The following FSTL4 variants were observed in gnomAD, a reference collection of about 807,000 sequenced individuals.
FSTL4 encodes the protein follistatin-related protein 4.
A neutral mutation model predicts 78.2 loss-of-function variants in FSTL4; 28 were observed. The observed-to-expected ratio is 0.36, with a 90% CI of 0.27 to 0.49. The LOEUF is 0.49. FSTL4 is among the 20% of genes least tolerant of loss of function. FSTL4 has a pLI of 0.98. For synonymous variants in FSTL4, 422 were observed against 440.5 expected (o/e 0.96, Z 0.53); for missense variants, 922 against 1,084.9 (o/e 0.85, Z 2.11).
At chr5:133,279,174 G>A (rs752576906) in intron 6 of FSTL4, among the ~76,000 whole-genome samples, 28 of 152,238 alleles carry the variant, frequency 1.8e-4, no homozygotes, top group Non-Finnish European at 2.9e-4. Flanking sequence ...TCTCTAGGCC[G>A]TGGATGGTCC....
At chr5:133,458,143 A>G (rs899420383) in intron 3 of FSTL4, 7 of 152,242 alleles carry the variant, frequency 4.6e-5, no homozygotes, top group Non-Finnish European at 1.0e-4. Context: ...ATGTATTTTA[A>G]GATCAAAAGG....
chr5:133,397,817 T>A (rs920804337), intron 4 of FSTL4, among the ~76,000 whole-genome samples: 1 of 152,248 alleles, frequency 6.6e-6, no homozygotes, highest in Non-Finnish European at 1.5e-5. Context: ...AGTCACAACT[T>A]CTTCTTGTAA....
intron 4 of FSTL4, among the ~76,000 whole-genome samples, chr5:133,381,234 C>G (rs1041962646): frequency 6.6e-6 from 1 of 152,146 alleles, no homozygotes; most frequent in South Asian, 2.1e-4. Context: ...TGGAATATCT[C>G]CAAATGGGAA....
At chr5:133,737,074 T>C in the FSTL4 span, among the ~76,000 whole-genome samples, 1 of 152,282 alleles carries the variant, frequency 6.6e-6, no homozygotes, top group Non-Finnish European at 1.5e-5. Flanking sequence ...GAGTTACAAA[T>C]AATCCAATTA....
chr5:133,242,850 T>C (rs1429993531), intron 7 of FSTL4, among the ~76,000 whole-genome samples: 1 of 152,346 alleles, frequency 6.6e-6, no homozygotes, highest in East Asian at 1.9e-4. Flanking sequence ...TTTAATGAGA[T>C]TATTTTAATG....
At chr5:133,809,549 G>A in the FSTL4 span, among the ~76,000 whole-genome samples, 1 of 151,526 alleles carries the variant, frequency 6.6e-6, no homozygotes, top group African/African-American at 2.4e-5. Context: ...ACAAGATCTG[G>A]GGTTTCAAAA....
chr5:133,491,060 G>A (rs1178164882), intron 3 of FSTL4, among the ~76,000 whole-genome samples: 1 of 152,080 alleles, frequency 6.6e-6, no homozygotes, highest in African/African-American at 2.4e-5. Flanking sequence ...GCAACATGCA[G>A]TTTACCCACA....
intron 4 of FSTL4, among the ~76,000 whole-genome samples, chr5:133,317,444 C>T (rs540291227): frequency 2.6e-5 from 4 of 152,322 alleles, no homozygotes; most frequent in South Asian, 4.1e-4. Context: ...CCCCACTTCC[C>T]GACTCCCTGG....
chr5:133,761,450 T>C, the FSTL4 span, among the ~76,000 whole-genome samples: 2 of 152,242 alleles, frequency 1.3e-5, no homozygotes, highest in East Asian at 3.8e-4. Flanking sequence ...CATTCAATAA[T>C]ACATAATTCC....
chr5:133,684,740 G>A, the FSTL4 span, among the ~76,000 whole-genome samples: 1 of 152,142 alleles, frequency 6.6e-6, no homozygotes, highest in African/African-American at 2.4e-5. Context: ...ACAATTAACT[G>A]GTGCATGGAT....
chr5:133,530,694 ACCTATGG>A (rs1475492489), intron 3 of FSTL4, among the ~76,000 whole-genome samples: 1 of 152,188 alleles, frequency 6.6e-6, no homozygotes, highest in Non-Finnish European at 1.5e-5. Flanking sequence ...TTTTAGGTGG[ACCTATGG>A]CCAGGGACCC....
At chr5:133,462,804 C>T (rs768112512) in intron 3 of FSTL4, among the ~76,000 whole-genome samples, 1 of 152,176 alleles carries the variant, frequency 6.6e-6, no homozygotes, top group Admixed American at 6.5e-5. Context: ...GGGGCCTGCC[C>T]TATTCATGGA....
the FSTL4 span, among the ~76,000 whole-genome samples, chr5:133,654,643 A>C: frequency 4.1e-4 from 62 of 152,184 alleles, no homozygotes; most frequent in Admixed American, 1.1e-3. Flanking sequence ...GATGCTGGTC[A>C]TGTGGAAGGG....
Position 133,447,892 on chromosome 5 carries a change from C to T in FSTL4, c.161-46906G>A, listed in dbSNP as rs1337490827. On this transcript the variant is annotated intron_variant, in intron 3 of 15. Transcript: ENST00000265342. ...TTTAGTGCAAGCTACATAATCCCAC[C>T]ATTCTGATGGAAATTTCCTAATTTT... Among the ~76,000 whole-genome samples the T allele has an allele frequency of 2.0e-5, 3 of 152,158 alleles. 1 individual carries two copies. The highest frequency in any genetic ancestry group is 4.1e-4 in the South Asian group (2 of 4,830).
rs901480476 is a variant in FSTL4, at chr5:133,225,350, G to A, written c.1178-66C>T. 1.3e-6 allele frequency: 2 copies of A among 1,594,134 alleles called. No individual in the cohort carries two copies. The highest frequency in any genetic ancestry group is 1.7e-5 in the Admixed American group (1 of 59,916). On this transcript the variant is annotated intron_variant, in intron 9 of 15. Transcript: ENST00000265342. The surrounding 1 kb of genome is among the most constrained non-coding windows in gnomAD (Gnocchi z 4.6). Reference sequence around the variant, plus strand: ...AGACCCACTCACTTTCCTTTATGGGGCCATTGAGAGTGTTAGGGCTGCCCA... The same window carrying A: ...AGACCCACTCACTTTCCTTTATGGGACCATTGAGAGTGTTAGGGCTGCCCA...
At chr5:133,360,176 T>C (rs546214002) in intron 4 of FSTL4, among the ~76,000 whole-genome samples, 4 of 152,278 alleles carry the variant, frequency 2.6e-5, no homozygotes, top group Admixed American at 2.0e-4. Context: ...TAAAGTACAC[T>C]CCAAGTACAA....
chr5:133,632,428 A>G, the FSTL4 span, among the ~76,000 whole-genome samples: 15 of 152,310 alleles, frequency 9.8e-5, no homozygotes, highest in East Asian at 2.9e-3. Flanking sequence ...CTTCTTTCTC[A>G]ATGTTCCAAA....
At chr5:133,728,246 T>C in the FSTL4 span, among the ~76,000 whole-genome samples, 1 of 152,218 alleles carries the variant, frequency 6.6e-6, no homozygotes, top group Middle Eastern at 3.2e-3. Flanking sequence ...AGCAAATAAC[T>C]GTTGCATAGC....
At chr5:133,749,832 C>T in the FSTL4 span, among the ~76,000 whole-genome samples, 1 of 152,176 alleles carries the variant, frequency 6.6e-6, no homozygotes, top group East Asian at 1.9e-4. Context: ...ACTGAATCAC[C>T]CTGAGCCTTA....
Sources: gnomAD v4.1 joint callset for allele counts (sites outside exome capture counted in the v4.1 genomes callset) on GRCh38, gnomAD v4.1.1 for gene constraint, Gnocchi (gnomAD v3.1) non-coding constraint, MANE v1.5 for transcripts, NCBI Gene and HGNC (gene_info 2026-07-23, HGNC 2026-07-21) for gene names.